Variants in BCL2L11 observed in about 807,000 individuals in gnomAD.
BCL2L11 encodes BCL2 like 11.
BCL2L11 carries 15 observed loss-of-function variants against 20.6 expected under a neutral mutation model. The observed-to-expected ratio is 0.73, with a 90% CI of 0.49 to 1.12. The LOEUF (loss-of-function observed/expected upper bound fraction) is 1.12. BCL2L11 is among the 50% of genes most tolerant of loss of function. The pLI is 0.00. For synonymous variants in BCL2L11, 108 were observed against 92.8 expected (o/e 1.16, Z -0.94); for missense variants, 292 against 260.9 (o/e 1.12, Z -0.82).
intron 2 of BCL2L11, chr2:111,145,855 A>G (rs2076423982): frequency 1.9e-6 from 1 of 526,552 alleles, no homozygotes; most frequent in Admixed American, 6.4e-5. Context: ...TTCAGTGGAC[A>G]CACTTTTGGC....
chr2:111,148,165 G>A (rs1210103066), intron 2 of BCL2L11, among the ~76,000 whole-genome samples: 2 of 152,200 alleles, frequency 1.3e-5, no homozygotes, highest in African/African-American at 2.4e-5. Context: ...TCTCAGTCAT[G>A]TGTAGTGAGA....
intron 1 of BCL2L11, 71 bp from the exon 2 acceptor site, chr2:111,123,661 TG>T: frequency 7.6e-7 from 1 of 1,312,764 alleles, no homozygotes; most frequent in Non-Finnish European, 9.9e-7. Context: ...AATCGCTAGG[TG>T]AGAGCTAATT....
Position 111,154,902 on chromosome 2 carries a change from G to C in BCL2L11, c.498+4755G>C, listed in dbSNP as rs576575138. On this transcript the variant is annotated intron_variant, in intron 3 of 3. Transcript: ENST00000393256. ...ATGCTCAGATTCTTAATGATTTGGCGGGAGGCACCAGTAGTGCAGGCACAG... is the reference window on the plus strand; with the variant it reads ...ATGCTCAGATTCTTAATGATTTGGCCGGAGGCACCAGTAGTGCAGGCACAG... Among the ~76,000 whole-genome samples the C allele has an allele frequency of 2.0e-5, 3 of 152,272 alleles. No individual in the cohort carries two copies. In the East Asian group the frequency reaches 5.8e-4, roughly 29 times the overall value.
In BCL2L11 at chr2:111,151,735, G is replaced by A. The variant is rs80079618; in HGVS notation, c.498+1588G>A. ...TTCCTACCTTTCTGTGGGGGTGTTT[G>A]AGGAGAGTGCTGTAGTAATGATTCT... On this transcript the variant is annotated intron_variant, in intron 3 of 3. Coordinates refer to ENST00000393256, the MANE Select transcript of BCL2L11 (RefSeq NM_138621.5). 2,643 of 1,107,050 alleles carry A rather than the reference G, an allele frequency of 2.4e-3. 45 individuals carry two copies. The African/African-American group carries it at 0.035, about 14-fold the overall frequency. 68.6% of individuals were successfully genotyped at this position (1,107,050 alleles called of 1,614,324 possible).
intron 2 of BCL2L11, chr2:111,142,418 A>G: frequency 6.5e-7 from 1 of 1,531,212 alleles, no homozygotes; most frequent in Admixed American, 2.0e-5. Context: ...TTTATTCAAA[A>G]TGGGATAAAA....
intron 2 of BCL2L11, among the ~76,000 whole-genome samples, chr2:111,149,064 T>C (rs1183042650): frequency 6.6e-6 from 1 of 152,202 alleles, no homozygotes; most frequent in Non-Finnish European, 1.5e-5. Flanking sequence ...TAAGTTAACG[T>C]AAGTCACACG....
At chr2:111,130,349 C>A (rs953384545) in intron 2 of BCL2L11, 3 of 229,964 alleles carry the variant, frequency 1.3e-5, no homozygotes, top group African/African-American at 7.2e-5. Context: ...GGTGATCTGC[C>A]CGCCTTGGCC....
chr2:111,159,276 T>C (rs2078275911), intron 3 of BCL2L11, among the ~76,000 whole-genome samples: 1 of 152,232 alleles, frequency 6.6e-6, no homozygotes, highest in African/African-American at 2.4e-5. Context: ...TGCCACTGTC[T>C]TCAGCTGCAC....
chr2:111,124,292 A>G (rs1251892418), intron 2 of BCL2L11, among the ~76,000 whole-genome samples, 153 bp downstream of exon 2: 1 of 148,364 alleles, frequency 6.7e-6, no homozygotes, highest in African/African-American at 2.5e-5. Flanking sequence ...TATCAAACCA[A>G]CTTTTTTTTT....
intron 2 of BCL2L11, among the ~76,000 whole-genome samples, chr2:111,126,539 G>A (rs1211196635): frequency 1.3e-5 from 2 of 152,008 alleles, no homozygotes; most frequent in African/African-American, 4.8e-5. Context: ...AGTTGGGGTT[G>A]GGGGAGGAAA....
intron 2 of BCL2L11, among the ~76,000 whole-genome samples, chr2:111,145,330 C>T (rs1425697901): frequency 1.3e-5 from 2 of 152,048 alleles, no homozygotes; most frequent in Non-Finnish European, 2.9e-5. Flanking sequence ...TTTATGGCAT[C>T]GTCACAGAGA....
chr2:111,157,319 C>T (rs2077991928), intron 3 of BCL2L11, among the ~76,000 whole-genome samples: 3 of 152,162 alleles, frequency 2.0e-5, no homozygotes, highest in Admixed American at 6.5e-5. Context: ...CTGCTGCAGA[C>T]GTTCAAAAAT....
chr2:111,124,132 T>C lies in BCL2L11; in HGVS notation c.387T>C (p.Ser129=). ...GCCAGGCCTTCAACCACTATCTCAGTGCAATGGGTAAGCAATGCCTGGGTA... is the reference window on the plus strand; with the variant it reads ...GCCAGGCCTTCAACCACTATCTCAGCGCAATGGGTAAGCAATGCCTGGGTA... ...PPCQAFNHYL[S]AMASMRQAEP... is the part of the protein sequence containing the mutation. The change falls in exon 2 of 4, where the codon AGT becomes AGC. Residue 129 remains serine, a synonymous_variant. Coordinates refer to ENST00000393256, the MANE Select transcript of BCL2L11 (RefSeq NM_138621.5). 6.2e-7 allele frequency: 1 copy of C among 1,608,390 alleles called. No individual in the cohort carries two copies. The highest frequency in any genetic ancestry group is 8.5e-7 in the Non-Finnish European group (1 of 1,177,270).
chr2:111,124,994 G>A (rs527733649), intron 2 of BCL2L11, among the ~76,000 whole-genome samples: 1 of 152,252 alleles, frequency 6.6e-6, no homozygotes, highest in Non-Finnish European at 1.5e-5. Context: ...ACCAAGAGTG[G>A]CTAACATAAA....
rs140452150 is a variant in BCL2L11, at chr2:111,167,875, G to A, written c.*3644G>A. The A allele has an allele frequency of 6.5e-6, 1 of 152,830 alleles. No individual in the cohort carries two copies. Among genetic ancestry groups the A allele is most frequent in the Non-Finnish European group, 1.5e-5 (1 of 68,118 alleles). 9.5% of individuals were successfully genotyped at this position (152,830 alleles called of 1,614,324 possible). ...ACTCCATCTCCTTCAGGGGAGGTTG[G>A]GGCCCCACTGGACTGGGTGTCAAGA... is the stretch of plus-strand genomic sequence containing the variant. On this transcript the variant is annotated 3_prime_UTR_variant, in exon 4 of 4. Transcript: ENST00000393256.
intron 2 of BCL2L11, among the ~76,000 whole-genome samples, chr2:111,141,442 C>T (rs1410853160): frequency 6.8e-6 from 1 of 146,990 alleles, no homozygotes. Context: ...CATATTCTCA[C>T]TCATAGGTGG....
At chr2:111,158,727 G>T (rs1242827189) in intron 3 of BCL2L11, among the ~76,000 whole-genome samples, 1 of 152,154 alleles carries the variant, frequency 6.6e-6, no homozygotes, top group African/African-American at 2.4e-5. Context: ...AATTGAGCTT[G>T]CTTTGATATG....
At position 111,168,382 on chromosome 2, in the gene BCL2L11, A is replaced by G. The variant is rs1456013686; in HGVS notation, c.*4151A>G. Reference sequence around the variant, plus strand: ...CTTTACTTGTGCAATACTGCTGTAAATAACTGCAGATTTTTAAACAATCTT... The same window carrying G: ...CTTTACTTGTGCAATACTGCTGTAAGTAACTGCAGATTTTTAAACAATCTT... On this transcript the variant is annotated 3_prime_UTR_variant, in exon 4 of 4. Coordinates refer to ENST00000393256, the MANE Select transcript of BCL2L11 (RefSeq NM_138621.5). The G allele has an allele frequency of 2.6e-5, 4 of 152,682 alleles. No individual in the cohort carries two copies. Among genetic ancestry groups the G allele is most frequent in the African/African-American group, 7.2e-5 (3 of 41,464 alleles). The allele number at this position is 152,682 out of a possible 1,614,324, so 9.5% of individuals were successfully genotyped here.
At chr2:111,164,030 T>C in intron 3 of BCL2L11, 103 bp from the exon 4 acceptor site, 1 of 757,702 alleles carries the variant, frequency 1.3e-6, no homozygotes, top group Non-Finnish European at 2.4e-6. Flanking sequence ...GTGCCTTTCA[T>C]GGTGATTAAG....
Sources: allele counts gnomAD v4.1 joint callset (sites outside exome capture counted in the v4.1 genomes callset), GRCh38; gene constraint gnomAD v4.1.1; transcripts MANE v1.5; gene names NCBI Gene and HGNC (gene_info 2026-07-23, HGNC 2026-07-21).